CIDEA: variants seen among roughly 807,000 people sequenced by gnomAD.
CIDEA encodes the protein lipid transferase CIDEA.
A neutral mutation model predicts 18.2 loss-of-function variants in CIDEA; 10 were observed. That is an observed-to-expected ratio of 0.55 (90% confidence interval 0.34 to 0.93). The LOEUF is 0.93. CIDEA is among the 40% of genes least tolerant of loss of function. CIDEA has a pLI of 0.02. For synonymous variants in CIDEA, 128 were observed against 124.8 expected, an observed-to-expected ratio of 1.03 and a Z score of -0.17; for missense variants, 309 against 293.1, an observed-to-expected ratio of 1.05 and a Z score of -0.40.
intron 3 of CIDEA, among the ~76,000 whole-genome samples, chr18:12,264,927 C>T (rs994016558): frequency 6.6e-6 from 1 of 152,218 alleles, no homozygotes. Flanking sequence ...GGGATTCTTA[C>T]AAATGTTTCT....
At chr18:12,262,328 T>C (rs1408166429) in intron 1 of CIDEA, among the ~76,000 whole-genome samples, 1 of 152,206 alleles carries the variant, frequency 6.6e-6, no homozygotes, top group Non-Finnish European at 1.5e-5. Flanking sequence ...CCTAAGTTGA[T>C]TTCAGAAACT....
chr18:12,268,404 T>G (rs973562937), intron 3 of CIDEA, among the ~76,000 whole-genome samples: 6 of 144,960 alleles, frequency 4.1e-5, no homozygotes, highest in Non-Finnish European at 7.6e-5. Flanking sequence ...TTAATTTGTT[T>G]GCTTTTTGTT....
chr18:12,272,149 T>TGTGTG (rs1555662634), intron 3 of CIDEA, among the ~76,000 whole-genome samples: 4 of 7,490 alleles, frequency 5.3e-4, no homozygotes, highest in African/African-American at 2.0e-3. Context: ...AGTGTGTGTG[T>TGTGTG]GGGGGGGGGG....
intron 3 of CIDEA, among the ~76,000 whole-genome samples, chr18:12,270,897 T>C (rs1239253914): frequency 1.1e-5 from 1 of 90,870 alleles, no homozygotes; most frequent in Non-Finnish European, 2.5e-5. Flanking sequence ...TTCTTTTCTT[T>C]TTTTTTTTTT....
intron 3 of CIDEA, among the ~76,000 whole-genome samples, chr18:12,266,304 A>T (rs1305244152): frequency 2.0e-5 from 3 of 151,996 alleles, no homozygotes; most frequent in Non-Finnish European, 4.4e-5. Context: ...AAAATACAAA[A>T]ATTAGCCTGG....
chr18:12,276,854 G>A (rs578218045), intron 4 of CIDEA, among the ~76,000 whole-genome samples: 16 of 152,286 alleles, frequency 1.1e-4, no homozygotes, highest in South Asian at 1.0e-3. Flanking sequence ...CATGGGAGCC[G>A]TGCTTCTTGC....
At chr18:12,273,429 G>A (rs1282469073) in intron 3 of CIDEA, among the ~76,000 whole-genome samples, 1 of 152,128 alleles carries the variant, frequency 6.6e-6, no homozygotes, top group Non-Finnish European at 1.5e-5. Flanking sequence ...CCATTTTGTG[G>A]GGAAAATTCT....
Position 12,274,103 on chromosome 18 carries a change from A to G in CIDEA, c.341A>G (p.His114Arg). 3.1e-6 allele frequency: 5 copies of G among 1,614,186 alleles called. No individual in the cohort carries two copies. The highest frequency in any genetic ancestry group is 4.2e-6 in the Non-Finnish European group (5 of 1,180,032). The change falls in exon 4 of 5, where the codon CAC becomes CGC. Residue 114 changes from histidine (H) to arginine (R), a missense_variant. By Grantham distance (29) the His-to-Arg change is conservative. Coordinates refer to ENST00000320477, the MANE Select transcript of CIDEA (RefSeq NM_001279.4). Reference protein sequence around the residue: ...KGQKWMPGSQHVPTCSPPKRS... With the variant: ...KGQKWMPGSQRVPTCSPPKRS... ...CCCCCATTGTCACAGGGCAGCCAGC[A>G]CGTCCCCACTTGCTCGCCGCCGAAG...
intron 3 of CIDEA, among the ~76,000 whole-genome samples, chr18:12,266,576 A>T (rs931051897): frequency 6.6e-6 from 1 of 152,234 alleles, no homozygotes; most frequent in East Asian, 1.9e-4. Flanking sequence ...GTAAATGGAG[A>T]CTCAGGTTAG....
chr18:12,254,492 C>T (rs1273674385), intron 1 of CIDEA, 71 bp downstream of exon 1: 1 of 1,559,292 alleles, frequency 6.4e-7, no homozygotes, highest in Non-Finnish European at 8.6e-7. Flanking sequence ...TCATATTCCC[C>T]TGTGCGCCTC....
intron 3 of CIDEA, 92 bp from the exon 4 acceptor site, chr18:12,274,001 A>G: frequency 1.4e-6 from 2 of 1,387,908 alleles, no homozygotes; most frequent in Non-Finnish European, 2.0e-6. Flanking sequence ...AAACAGACAC[A>G]TAGGAGAATC....
chr18:12,270,838 GC>G (rs1385666004), intron 3 of CIDEA, among the ~76,000 whole-genome samples: 60 of 148,902 alleles, frequency 4.0e-4, no homozygotes, highest in Middle Eastern at 7.1e-3. Flanking sequence ...CAAAAATAAT[GC>G]CCCCACAGAC....
intron 3 of CIDEA, among the ~76,000 whole-genome samples, chr18:12,271,488 G>A (rs1238917317): frequency 6.6e-6 from 1 of 152,010 alleles, no homozygotes; most frequent in Non-Finnish European, 1.5e-5. Context: ...GACCTCGGCA[G>A]TGGGACAGCA....
chr18:12,259,786 G>A (rs775288474), intron 1 of CIDEA, among the ~76,000 whole-genome samples: 6 of 152,126 alleles, frequency 3.9e-5, no homozygotes, highest in Admixed American at 6.5e-5. Context: ...GCTTGAACCC[G>A]AGAAGCAGAG....
At chr18:12,259,149 C>G (rs1270709959) in intron 1 of CIDEA, among the ~76,000 whole-genome samples, 2 of 152,166 alleles carry the variant, frequency 1.3e-5, no homozygotes, top group Non-Finnish European at 2.9e-5. Flanking sequence ...CTAGGTGGGT[C>G]CCTGGCAAAC....
intron 1 of CIDEA, among the ~76,000 whole-genome samples, chr18:12,258,123 C>T (rs1212086895): frequency 6.6e-6 from 1 of 152,232 alleles, no homozygotes; most frequent in African/African-American, 2.4e-5. Flanking sequence ...AGCCTTTCCT[C>T]CAGCAGTGAC....
intron 2 of CIDEA, among the ~76,000 whole-genome samples, chr18:12,263,334 C>T (rs1912252414): frequency 6.6e-6 from 1 of 152,104 alleles, no homozygotes; most frequent in African/African-American, 2.4e-5. Flanking sequence ...AAAACCACTG[C>T]ACCGTATACT....
intron 4 of CIDEA, among the ~76,000 whole-genome samples, chr18:12,276,361 T>G (rs1211564755): frequency 6.6e-6 from 1 of 151,990 alleles, no homozygotes. Context: ...AGCACAATCA[T>G]AGTTCACTGC....
intron 1 of CIDEA, among the ~76,000 whole-genome samples, chr18:12,256,320 C>T (rs904770668): frequency 1.3e-5 from 2 of 152,198 alleles, no homozygotes; most frequent in African/African-American, 4.8e-5. Context: ...TGTCATAATT[C>T]TGTCTTTATT....
Sources: allele counts gnomAD v4.1 joint callset (sites outside exome capture counted in the v4.1 genomes callset), GRCh38; gene constraint gnomAD v4.1.1; transcripts MANE v1.5; gene names NCBI Gene and HGNC (gene_info 2026-07-23, HGNC 2026-07-21).